EPS8L3: variants seen among roughly 807,000 people sequenced by gnomAD.
The protein encoded by EPS8L3 is epidermal growth factor receptor kinase substrate 8-like protein 3.
EPS8L3 carries 80 observed loss-of-function variants against 88.5 expected under a neutral mutation model. That is an observed-to-expected ratio of 0.90 (90% CI 0.75 to 1.09). EPS8L3 has a LOEUF of 1.09. EPS8L3 is among the 50% of genes least tolerant of loss of function. The pLI, the probability that EPS8L3 is intolerant of heterozygous loss-of-function variation, is 0.00. For synonymous variants in EPS8L3, 286 were observed against 291.0 expected (o/e 0.98, Z 0.18); for missense variants, 721 against 735.2 (o/e 0.98, Z 0.22).
At chr1:109,753,356 C>A (rs1274883860) in intron 12 of EPS8L3, among the ~76,000 whole-genome samples, 158 bp from the exon 13 acceptor site, 2 of 152,188 alleles carry the variant, frequency 1.3e-5, no homozygotes, top group African/African-American at 2.4e-5. Flanking sequence ...CCCCAGGACA[C>A]CCACAAAGGA....
chr1:109,751,288 A>G lies in EPS8L3; in HGVS notation c.1627T>C (p.Phe543Leu), dbSNP rs1047579624. ...GGGCCAGGCACTCACGCAGTGGAGA[A>G]GTTCTCTGCCTGCAGCCAGTCTGTG... is the stretch of plus-strand genomic sequence containing the variant. ...EVTDWLQAENFSTATVRTLGS... is the reference protein window; with the variant it reads ...EVTDWLQAENLSTATVRTLGS... The change falls in exon 17 of 19, where the codon TTC becomes CTC. Residue 543 changes from phenylalanine to leucine, a missense_variant. Transcript: ENST00000361965. 1 of 1,613,936 alleles carries G rather than the reference A, an allele frequency of 6.2e-7. No homozygotes were observed. The highest frequency in any genetic ancestry group is 8.5e-7 in the Non-Finnish European group (1 of 1,179,964).
Position 109,750,873 on chromosome 1 carries a change from T to C in EPS8L3, c.1638-81A>G, listed in dbSNP as rs1375174504. The stretch of plus-strand genomic sequence containing the variant: ...AGCGTTTGGGCAGAGACAGGGCTCT[T>C]TGGGCTCGGAGGTTGGGGTTACAGA... On this transcript the variant is annotated intron_variant, in intron 17 of 18. Transcript: ENST00000361965. 10 of 1,552,692 alleles carry C rather than the reference T, an allele frequency of 6.4e-6. 1 individual carries two copies. Among genetic ancestry groups the C allele is most frequent in the Middle Eastern group, 1.7e-4 (1 of 5,802 alleles).
intron 18 of EPS8L3, 72 bp from the exon 19 acceptor site, chr1:109,750,474 G>C: frequency 6.2e-7 from 1 of 1,602,592 alleles, no homozygotes; most frequent in South Asian, 1.1e-5. Flanking sequence ...CCACCAATAA[G>C]CTTGGAGCCT....
chr1:109,755,297 G>C (rs1307647961), intron 12 of EPS8L3, among the ~76,000 whole-genome samples: 1 of 152,188 alleles, frequency 6.6e-6, no homozygotes, highest in African/African-American at 2.4e-5. Flanking sequence ...TGATGAAAAA[G>C]TTCTTGAAAT....
At chr1:109,754,113 C>G (rs1650059190) in intron 12 of EPS8L3, among the ~76,000 whole-genome samples, 1 of 151,042 alleles carries the variant, frequency 6.6e-6, no homozygotes, top group African/African-American at 2.5e-5. Flanking sequence ...GACCCTAATA[C>G]TACTCCGTAT....
chr1:109,751,500 C>T (rs1014508271), intron 16 of EPS8L3, 149 bp from the exon 17 acceptor site: 5 of 1,369,128 alleles, frequency 3.7e-6, no homozygotes, highest in African/African-American at 1.4e-5. Context: ...GTCTTGTTCT[C>T]TGCTCTGGCC....
Position 109,752,162 on chromosome 1 carries a change from G to A in EPS8L3, c.1267C>T (p.His423Tyr), listed in dbSNP as rs368734271. The part of the protein sequence containing the change: ...RGSHRLGSTS[H>Y]FPQEKTHNHD... ...TTGTGTGTCTTCTCCTGAGGAAAGT[G>A]TGAGGTGCTCCCTAACCTATGACTT... The change falls in exon 15 of 19, where the codon CAC (histidine) becomes TAC (tyrosine). Residue 423 changes from histidine (H) to tyrosine (Y), a missense_variant. Transcript: ENST00000361965. The A allele has an allele frequency of 6.2e-7, 1 of 1,614,148 alleles. No individual in the cohort carries two copies. Among genetic ancestry groups the A allele is most frequent in the Non-Finnish European group, 8.5e-7 (1 of 1,180,014 alleles).
chr1:109,757,053 A>G lies in EPS8L3; in HGVS notation c.1082T>C (p.Leu361Pro). The change falls in exon 12 of 19, where the codon CTT (leucine) becomes CCT (proline). Residue 361 changes from leucine (L) to proline (P), a missense_variant. Transcript: ENST00000361965. ...QSCLSPPESN[L>P]WMGLGPAWTT... is the part of the protein sequence containing the mutation. ...CCAGGCTGGGCCCAACCCCATCCAA[A>G]GGTTACTCTCAGGTGGGCTTAGACA... 1.9e-6 allele frequency: 3 copies of G among 1,614,156 alleles called. No homozygotes were observed. Among genetic ancestry groups the G allele is most frequent in the Non-Finnish European group, 2.5e-6 (3 of 1,180,022 alleles).
intron 12 of EPS8L3, among the ~76,000 whole-genome samples, chr1:109,755,067 A>G (rs1650156387): frequency 6.6e-6 from 1 of 152,254 alleles, no homozygotes; most frequent in Non-Finnish European, 1.5e-5. Flanking sequence ...CAGCTATAAA[A>G]AGGAAGGCAG....
chr1:109,751,108 C>G (rs1315176768), intron 17 of EPS8L3, among the ~76,000 whole-genome samples, 170 bp downstream of exon 17: 1 of 152,192 alleles, frequency 6.6e-6, no homozygotes, highest in Non-Finnish European at 1.5e-5. Flanking sequence ...CACTTAATCT[C>G]TAATCTAGGC....
At chr1:109,763,662 G>A (rs535123416) in intron 1 of EPS8L3, among the ~76,000 whole-genome samples, 160 bp downstream of exon 1, 12 of 152,212 alleles carry the variant, frequency 7.9e-5, no homozygotes, top group African/African-American at 2.9e-4. Context: ...CCACCAGCCA[G>A]CTGCTGAGTC....
chr1:109,752,403 G>A (rs911932614), intron 14 of EPS8L3: 5 of 614,604 alleles, frequency 8.1e-6, no homozygotes, highest in African/African-American at 7.4e-5. Flanking sequence ...ACATTTCCGG[G>A]AGTGGAATTT....
chr1:109,757,387 C>T (rs1650388904), intron 11 of EPS8L3, 94 bp downstream of exon 11: 3 of 1,307,246 alleles, frequency 2.3e-6, no homozygotes, highest in Admixed American at 1.8e-5. Flanking sequence ...CTGGCCCCTG[C>T]TCCCCCATCC....
At position 109,751,728 on chromosome 1, in the gene EPS8L3, C is replaced by T. The variant is rs765884986; in HGVS notation, c.1489G>A (p.Gly497Ser). ...WLVKNEAGRSGYIPSNILEPL... is the reference protein window; with the variant it reads ...WLVKNEAGRSSYIPSNILEPL... ...TCCAGGATGTTGCTTGGAATGTAGC[C>T]GCTCCGTCCCGCCTCATTCTTCACC... Residue 497 changes from glycine to serine, a missense_variant, in exon 16 of 19, where the codon GGC becomes AGC. Coordinates refer to ENST00000361965, the MANE Select transcript of EPS8L3 (RefSeq NM_133181.4). 2.3e-5 allele frequency: 37 copies of T among 1,613,742 alleles called. No homozygotes were observed. The highest frequency in any genetic ancestry group is 8.8e-5 in the South Asian group (8 of 91,082).
chr1:109,751,184 T>C (rs1178272999), intron 17 of EPS8L3, 94 bp downstream of exon 17: 2 of 1,113,938 alleles, frequency 1.8e-6, no homozygotes, highest in Non-Finnish European at 2.7e-6. Context: ...TCATGTACAA[T>C]GTAGGCCAGG....
chr1:109,750,331 T>C lies in EPS8L3; in HGVS notation c.*60A>G, dbSNP rs997466496. On this transcript the variant is annotated 3_prime_UTR_variant, in exon 19 of 19. Transcript: ENST00000361965. ...GAGGAATTCTCGGGGCTCTAATGGGTATCAGATCTGCCATCTTGCATCAGC... is the reference window on the plus strand; with the variant it reads ...GAGGAATTCTCGGGGCTCTAATGGGCATCAGATCTGCCATCTTGCATCAGC... 3 of 1,603,502 alleles carry C rather than the reference T, an allele frequency of 1.9e-6. No individual in the cohort carries two copies. In the Admixed American group the frequency reaches 5.0e-5, roughly 27 times the overall value.
intron 3 of EPS8L3, among the ~76,000 whole-genome samples, chr1:109,760,577 G>C (rs952375849): frequency 6.6e-6 from 1 of 151,388 alleles, no homozygotes; most frequent in South Asian, 2.1e-4. Flanking sequence ...CTGGCATCAT[G>C]AGCAAACTCC....
At chr1:109,758,502 T>A in intron 7 of EPS8L3, 22 bp downstream of exon 7, 3 of 1,559,904 alleles carry the variant, frequency 1.9e-6, no homozygotes, top group Non-Finnish European at 2.6e-6. Context: ...CTCCTTCACC[T>A]GCCCCCATGC....
intron 14 of EPS8L3, among the ~76,000 whole-genome samples, 171 bp downstream of exon 14, chr1:109,752,515 G>T (rs886605613): frequency 6.6e-6 from 1 of 152,152 alleles, no homozygotes; most frequent in African/African-American, 2.4e-5. Context: ...GCCTAGGAGG[G>T]TAGAACACTG....
Sources: allele counts gnomAD v4.1 joint callset (sites outside exome capture counted in the v4.1 genomes callset), GRCh38; gene constraint gnomAD v4.1.1; transcripts MANE v1.5; gene names NCBI Gene and HGNC (gene_info 2026-07-23, HGNC 2026-07-21).